Variants in MIR2052HG observed in about 807,000 individuals in gnomAD.
MIR2052HG encodes MIR2052 host gene.
At chr8:74,699,698 G>A (rs538448451) in intron 2 of MIR2052HG, among the ~76,000 whole-genome samples, 12 of 151,996 alleles carry the variant, frequency 7.9e-5, no homozygotes, top group Admixed American at 5.3e-4. Flanking sequence ...ACACTGTTCG[G>A]GTCACGGGTG....
At chr8:74,647,393 G>A (rs2128735830) in intron 2 of MIR2052HG, among the ~76,000 whole-genome samples, 1 of 152,306 alleles carries the variant, frequency 6.6e-6, no homozygotes, top group African/African-American at 2.4e-5. Flanking sequence ...GCTCAAATAA[G>A]TGATGTATTA....
At chr8:74,754,264 A>G (rs1247284253) in intron 5 of MIR2052HG, among the ~76,000 whole-genome samples, 1 of 152,350 alleles carries the variant, frequency 6.6e-6, no homozygotes, top group African/African-American at 2.4e-5. Context: ...TATTTCCTCT[A>G]TTATCCTCTC....
chr8:74,725,132 G>T (rs1049982343), intron 4 of MIR2052HG, among the ~76,000 whole-genome samples: 1 of 152,190 alleles, frequency 6.6e-6, no homozygotes, highest in African/African-American at 2.4e-5. Context: ...GGGAAAAAAA[G>T]GTATTAAAAA....
intron 1 of MIR2052HG, among the ~76,000 whole-genome samples, chr8:74,602,046 G>A (rs1256006126): frequency 6.6e-6 from 1 of 152,154 alleles, no homozygotes; most frequent in Non-Finnish European, 1.5e-5. Flanking sequence ...TGGGTAAAAT[G>A]AGACTGACAC....
chr8:74,738,160 T>TCTAC (rs1352677807), intron 4 of MIR2052HG, among the ~76,000 whole-genome samples: 1 of 152,000 alleles, frequency 6.6e-6, no homozygotes. Context: ...CATCTACCTA[T>TCTAC]CTATCTCATC....
At chr8:74,666,021 A>G (rs896677985) in intron 2 of MIR2052HG, among the ~76,000 whole-genome samples, 2 of 152,144 alleles carry the variant, frequency 1.3e-5, no homozygotes, top group African/African-American at 2.4e-5. Context: ...TTTATCAATT[A>G]CCCAATCTTG....
chr8:74,649,973 T>C (rs1382075122), intron 2 of MIR2052HG, among the ~76,000 whole-genome samples: 1 of 152,174 alleles, frequency 6.6e-6, no homozygotes, highest in Non-Finnish European at 1.5e-5. Flanking sequence ...ATTTGAAATA[T>C]GATTTGAAAT....
chr8:74,626,109 A>T (rs1158497225), intron 2 of MIR2052HG, among the ~76,000 whole-genome samples: 2 of 152,168 alleles, frequency 1.3e-5, no homozygotes, highest in Non-Finnish European at 2.9e-5. Flanking sequence ...GCACTGGACA[A>T]CAGCTGTTGA....
chr8:74,607,339 TG>T (rs72536722), intron 1 of MIR2052HG, among the ~76,000 whole-genome samples: 238 of 152,242 alleles, frequency 1.6e-3, no homozygotes, highest in East Asian at 3.7e-3. Flanking sequence ...AGGCCAGGCA[TG>T]GTGGCTCACG....
chr8:74,630,868 A>G (rs139460953), intron 2 of MIR2052HG, among the ~76,000 whole-genome samples: 13 of 152,298 alleles, frequency 8.5e-5, no homozygotes, highest in Non-Finnish European at 1.5e-4. Flanking sequence ...TGATCCTCAG[A>G]CTGACTTGCT....
chr8:74,729,454 C>G (rs1809668987), intron 4 of MIR2052HG, among the ~76,000 whole-genome samples: 1 of 152,164 alleles, frequency 6.6e-6, no homozygotes, highest in South Asian at 2.1e-4. Context: ...GTAAGACCTT[C>G]TCCTGTTTAA....
At chr8:74,614,387 A>G (rs542516791) in intron 2 of MIR2052HG, among the ~76,000 whole-genome samples, 1 of 152,108 alleles carries the variant, frequency 6.6e-6, no homozygotes, top group South Asian at 2.1e-4. Context: ...CAGTGATTTG[A>G]TTTTTGACAG....
chr8:74,753,530 C>T (rs758281403), intron 5 of MIR2052HG, among the ~76,000 whole-genome samples: 6 of 152,166 alleles, frequency 3.9e-5, no homozygotes, highest in Non-Finnish European at 5.9e-5. Flanking sequence ...TACATTCCTT[C>T]GCATCGTGGC....
intron 2 of MIR2052HG, among the ~76,000 whole-genome samples, chr8:74,694,322 G>A (rs373325628): frequency 8.1e-4 from 123 of 152,306 alleles, no homozygotes; most frequent in Non-Finnish European, 1.0e-3. Flanking sequence ...AGCACCACAT[G>A]AAGGGAGCAA....
intron 2 of MIR2052HG, among the ~76,000 whole-genome samples, chr8:74,617,361 A>G (rs975396245): frequency 6.6e-6 from 1 of 151,728 alleles, no homozygotes; most frequent in Non-Finnish European, 1.5e-5. Context: ...TCTGTTCCTG[A>G]GTTATTTTAC....
chr8:74,604,678 C>T (rs1808085906), intron 1 of MIR2052HG, among the ~76,000 whole-genome samples: 1 of 138,184 alleles, frequency 7.2e-6, no homozygotes, highest in Non-Finnish European at 1.5e-5. Flanking sequence ...ACTGCAACTT[C>T]CGTCTCCCAG....
intron 2 of MIR2052HG, among the ~76,000 whole-genome samples, chr8:74,680,547 AAAAAG>A (rs1406580097): frequency 3.3e-5 from 5 of 152,164 alleles, no homozygotes; most frequent in African/African-American, 1.2e-4. Flanking sequence ...GGCAATCATT[AAAAAG>A]TCAGGAAACA....
chr8:74,698,625 A>G (rs1156384319), intron 2 of MIR2052HG, among the ~76,000 whole-genome samples: 1 of 152,244 alleles, frequency 6.6e-6, no homozygotes, highest in Non-Finnish European at 1.5e-5. Context: ...AAGGACTAAT[A>G]TACAGAATAT....
At chr8:74,602,739 A>C (rs1225317796) in intron 1 of MIR2052HG, among the ~76,000 whole-genome samples, 2 of 146,084 alleles carry the variant, frequency 1.4e-5, no homozygotes, top group African/African-American at 5.1e-5. Flanking sequence ...CTGGTCTCAA[A>C]CTCCTGACTT....
Sources: gnomAD v4.1 joint callset for allele counts (sites outside exome capture counted in the v4.1 genomes callset) on GRCh38, gnomAD v4.1.1 for gene constraint, MANE v1.5 for transcripts, NCBI Gene and HGNC (gene_info 2026-07-23, HGNC 2026-07-21) for gene names.